FBN2: variants seen among roughly 807,000 people sequenced by gnomAD.
FBN2 encodes fibrillin-2.
Under a neutral mutation model 355.6 loss-of-function variants are expected in FBN2, and 105 were observed. The ratio of observed to expected loss-of-function variants is 0.30; its 90% CI spans 0.25 to 0.35. The LOEUF is 0.35. Among genes scored for constraint, FBN2 ranks in the 10% least tolerant of loss-of-function variants. FBN2 has a pLI of 1.00. For missense variants in FBN2, 3,280 were observed against 3,758.7 expected (o/e 0.87, Z 3.33); for synonymous variants, 1,350 against 1,301.2 (o/e 1.04, Z -0.81).
chr5:128,261,632 A>C (rs1764972253), intron 64 of FBN2, 104 bp downstream of exon 64: 1 of 948,472 alleles, frequency 1.1e-6, no homozygotes, highest in Non-Finnish European at 1.7e-6. Context: ...ATTAAATTCA[A>C]GGTATGATTA....
intron 45 of FBN2, among the ~76,000 whole-genome samples, chr5:128,303,609 A>G (rs1749779624): frequency 1.3e-5 from 2 of 152,234 alleles, no homozygotes; most frequent in Non-Finnish European, 2.9e-5. Flanking sequence ...GAAAATATTT[A>G]GAAAGGTCAT....
chr5:128,286,728 T>G lies in FBN2; in HGVS notation c.7002A>C (p.Glu2334Asp), dbSNP rs766143491. The change falls in exon 55 of 65, where the codon GAA (glutamate) becomes GAC (aspartate). Residue 2334 changes from glutamate (E) to aspartate (D), a missense_variant. Glu to Asp is a conservative substitution (Grantham distance 45). Coordinates refer to ENST00000262464, the MANE Select transcript of FBN2 (RefSeq NM_001999.4). ...TCCCTTACCGCTTACCTACACAGCC[T>G]TCTCCATCGGGCCTTCGGGCCATTC... Reference protein sequence around the residue: ...PPGMARRPDGEGCVDENECRT... With the variant: ...PPGMARRPDGDGCVDENECRT... 6.2e-7 allele frequency: 1 copy of G among 1,614,104 alleles called. No homozygotes were observed. Among genetic ancestry groups the G allele is most frequent in the Non-Finnish European group, 8.5e-7 (1 of 1,179,962 alleles).
chr5:128,307,672 C>CT (rs1175257857), intron 41 of FBN2, among the ~76,000 whole-genome samples: 7,026 of 141,174 alleles, frequency 0.05, 500 homozygotes, highest in African/African-American at 0.16. Context: ...CGAATTTTGT[C>CT]TTTTTTTTTT....
At chr5:128,329,353 A>G (rs908037134) in intron 33 of FBN2, among the ~76,000 whole-genome samples, 1 of 152,158 alleles carries the variant, frequency 6.6e-6, no homozygotes, top group African/African-American at 2.4e-5. Context: ...GACATTACTC[A>G]CAGACCTTAA....
At chr5:128,534,735 CT>C in intron 2 of FBN2, among the ~76,000 whole-genome samples, 1 of 152,284 alleles carries the variant, frequency 6.6e-6, no homozygotes, top group Non-Finnish European at 1.5e-5. Context: ...ACATATATTT[CT>C]ACTGCAAATA....
rs762813654 is a variant in FBN2, at chr5:128,287,258, C to T, written c.6880+50G>A. 3.8e-6 allele frequency: 6 copies of T among 1,599,664 alleles called. No individual in the cohort carries two copies. In the South Asian group the frequency reaches 5.5e-5, roughly 15 times the overall value. On this transcript the variant is annotated intron_variant, in intron 54 of 64. Coordinates refer to ENST00000262464, the MANE Select transcript of FBN2 (RefSeq NM_001999.4). ...GAACTATAAAATCATTAAGATGTATCTCCAGCATGACAAATAAAGTTCGAA... is the reference window on the plus strand; with the variant it reads ...GAACTATAAAATCATTAAGATGTATTTCCAGCATGACAAATAAAGTTCGAA...
At position 128,466,810 on chromosome 5, in the gene FBN2, T is replaced by C. The variant is rs189642267; in HGVS notation, c.629-1889A>G. Among the ~76,000 whole-genome samples, 358 of 152,324 alleles carry C rather than the reference T, an allele frequency of 2.4e-3. 1 individual carries two copies. The highest frequency in any genetic ancestry group is 4.0e-3 in the Non-Finnish European group (270 of 68,018). On this transcript the variant is annotated intron_variant, in intron 5 of 64. Coordinates refer to ENST00000262464, the MANE Select transcript of FBN2 (RefSeq NM_001999.4). ...GATCTTTGGAGTATACGTGAAGATATGGCAACCTTATAAACAAACACACTT... is the reference window on the plus strand; with the variant it reads ...GATCTTTGGAGTATACGTGAAGATACGGCAACCTTATAAACAAACACACTT...
At chr5:128,447,458 T>C (rs942604913) in intron 6 of FBN2, among the ~76,000 whole-genome samples, 3 of 152,186 alleles carry the variant, frequency 2.0e-5, no homozygotes, top group Admixed American at 6.5e-5. Flanking sequence ...TCTCCCTTAG[T>C]GCTCCCAGGC....
At chr5:128,324,666 G>A (rs1750494560) in intron 34 of FBN2, among the ~76,000 whole-genome samples, 1 of 149,216 alleles carries the variant, frequency 6.7e-6, no homozygotes, top group Non-Finnish European at 1.5e-5. Context: ...GACCCAGCCT[G>A]GAGTGCAGTG....
chr5:128,463,299 A>G (rs1174281279), intron 6 of FBN2, among the ~76,000 whole-genome samples: 1 of 152,098 alleles, frequency 6.6e-6, no homozygotes, highest in Non-Finnish European at 1.5e-5. Context: ...ACTAATATTC[A>G]TACCAAAACA....
chr5:128,406,664 A>T lies in FBN2; in HGVS notation c.1078+2010T>A, dbSNP rs533413695. The stretch of plus-strand genomic sequence containing the variant: ...GGTGCGGAGCCTATACAGCATGGAT[A>T]TGCTGGGAAAAAGAGGAGTCATACC... On this transcript the variant is annotated intron_variant, in intron 8 of 64. Transcript: ENST00000262464. 2.4e-4 allele frequency among the ~76,000 whole-genome samples: 36 copies of T among 152,302 alleles called. No homozygotes were observed. In the South Asian group the frequency reaches 6.6e-3, roughly 28 times the overall value.
At chr5:128,267,253 G>C (rs559232037) in intron 62 of FBN2, among the ~76,000 whole-genome samples, 17 of 152,210 alleles carry the variant, frequency 1.1e-4, no homozygotes, top group African/African-American at 4.1e-4. Context: ...CCAAGACTTT[G>C]CTATTGTAAA....
intron 7 of FBN2, among the ~76,000 whole-genome samples, chr5:128,413,985 T>C (rs1233121644): frequency 6.6e-6 from 1 of 152,172 alleles, no homozygotes; most frequent in Non-Finnish European, 1.5e-5. Context: ...TTGCTGCCTA[T>C]TTCCAGCTTT....
rs1749966909 is a variant in FBN2, at chr5:128,309,234, G to T, written c.5353+13C>A. 15 of 1,613,762 alleles carry T rather than the reference G, an allele frequency of 9.3e-6. No individual in the cohort carries two copies. Among genetic ancestry groups the T allele is most frequent in the Non-Finnish European group, 1.3e-5 (15 of 1,179,678 alleles). ...GATGTGGCAGTCAGCAGATGCACGA[G>T]CCGTGTGCTTACCTGTTCCTGGAGT... On this transcript the variant is annotated intron_variant, in intron 41 of 64. Coordinates refer to ENST00000262464, the MANE Select transcript of FBN2 (RefSeq NM_001999.4).
rs746951402 is a variant in FBN2 at position 128,395,227 on chromosome 5, C to T, written c.1126G>A (p.Ala376Thr). 1 of 1,614,082 alleles carries T rather than the reference C, an allele frequency of 6.2e-7. No homozygotes were observed. Among genetic ancestry groups the T allele is most frequent in the South Asian group, 1.1e-5 (1 of 91,076 alleles). The change falls in exon 9 of 65, where the codon GCA becomes ACA. Residue 376 changes from alanine (A) to threonine (T), a missense_variant. Physicochemically the swap from Ala to Thr is moderately conservative, Grantham distance 58 (BLOSUM62 0). Transcript: ENST00000262464. ...GTCATTCTCCCCGGGAGCTCTTGTG[C>T]ACAGCGGCCATTCACCAGGCCCGAG... The part of the protein sequence containing the change: ...CFSGLVNGRC[A>T]QELPGRMTKM...
chr5:128,409,029 C>T (rs1050555198), intron 7 of FBN2, among the ~76,000 whole-genome samples: 2 of 152,032 alleles, frequency 1.3e-5, no homozygotes, highest in African/African-American at 2.4e-5. Flanking sequence ...TAAAGCAGAA[C>T]TCTATACCCT....
At chr5:128,266,494 A>C (rs1765116343) in intron 62 of FBN2, among the ~76,000 whole-genome samples, 1 of 152,306 alleles carries the variant, frequency 6.6e-6, no homozygotes, top group Non-Finnish European at 1.5e-5. Flanking sequence ...CCAGGATCTC[A>C]TAAAGGGGAA....
At chr5:128,417,911 T>G (rs1753245481) in intron 7 of FBN2, among the ~76,000 whole-genome samples, 1 of 152,176 alleles carries the variant, frequency 6.6e-6, no homozygotes, top group Non-Finnish European at 1.5e-5. Context: ...GAGTTAGTTC[T>G]TCTTTATAAT....
chr5:128,345,237 T>G (rs1172962963), intron 24 of FBN2, 120 bp downstream of exon 24: 15 of 852,984 alleles, frequency 1.8e-5, no homozygotes, highest in Non-Finnish European at 2.8e-5. Flanking sequence ...TCACAAAACC[T>G]AAGTTTAACT....
Sources: allele counts gnomAD v4.1 joint callset (sites outside exome capture counted in the v4.1 genomes callset), GRCh38; gene constraint gnomAD v4.1.1; transcripts MANE v1.5; gene names NCBI Gene and HGNC (gene_info 2026-07-23, HGNC 2026-07-21).